Variants in CCSER1 observed in about 807,000 individuals in gnomAD.
CCSER1 encodes serine-rich coiled-coil domain-containing protein 1.
In CCSER1, 41 loss-of-function variants were observed where a neutral mutation model predicts 82.0. That is an observed-to-expected ratio of 0.50 (90% confidence interval 0.39 to 0.65). The LOEUF is 0.65. Ranked by LOEUF, CCSER1 falls within the 30% of genes least tolerant of loss-of-function variation. The pLI, the probability that CCSER1 is intolerant of heterozygous loss-of-function variation, is 0.00. For missense variants in CCSER1, 1,119 were observed against 1,064.2 expected, an observed-to-expected ratio of 1.05 and a Z score of -0.72; for synonymous variants, 414 against 383.9, an observed-to-expected ratio of 1.08 and a Z score of -0.92.
chr4:90,975,283 G>T (rs1448590806), intron 9 of CCSER1, among the ~76,000 whole-genome samples: 2 of 151,176 alleles, frequency 1.3e-5, no homozygotes, highest in Non-Finnish European at 3.0e-5. Flanking sequence ...CTTAGAATTA[G>T]ATAGCGGTTA....
chr4:90,214,614 A>G (rs1232468743), intron 1 of CCSER1, among the ~76,000 whole-genome samples: 2 of 152,226 alleles, frequency 1.3e-5, no homozygotes, highest in African/African-American at 4.8e-5. Context: ...CTAAAGAAAT[A>G]CTGTAAGATC....
At chr4:90,132,640 G>T (rs745772834) in intron 1 of CCSER1, among the ~76,000 whole-genome samples, 2 of 152,024 alleles carry the variant, frequency 1.3e-5, no homozygotes, top group East Asian at 1.9e-4. Flanking sequence ...TTTTTAAAAG[G>T]TGTTTGTTGG....
At chr4:91,046,962 C>A (rs1037236291) in intron 9 of CCSER1, among the ~76,000 whole-genome samples, 1 of 151,922 alleles carries the variant, frequency 6.6e-6, no homozygotes, top group East Asian at 1.9e-4. Flanking sequence ...GTGATCTACC[C>A]TCCTCAGCCT....
intron 3 of CCSER1, among the ~76,000 whole-genome samples, chr4:90,344,064 C>G (rs1236819942): frequency 6.6e-6 from 1 of 152,160 alleles, no homozygotes; most frequent in African/African-American, 2.4e-5. Context: ...CTCTGGTAAC[C>G]ATCCTTTTAC....
intron 10 of CCSER1, among the ~76,000 whole-genome samples, chr4:91,165,960 G>A (rs1365501610): frequency 6.6e-6 from 1 of 152,220 alleles, no homozygotes; most frequent in Non-Finnish European, 1.5e-5. Context: ...CAGTCCCAGT[G>A]AGATGAACCA....
chr4:90,403,284 G>A (rs1263601372), intron 4 of CCSER1, among the ~76,000 whole-genome samples: 1 of 151,996 alleles, frequency 6.6e-6, no homozygotes, highest in African/African-American at 2.4e-5. Flanking sequence ...TGGATCACGA[G>A]GTCAGGAGAT....
chr4:91,384,788 A>C (rs1224306531), intron 10 of CCSER1, among the ~76,000 whole-genome samples: 1 of 152,218 alleles, frequency 6.6e-6, no homozygotes, highest in Admixed American at 6.5e-5. Flanking sequence ...ATAAAAATTT[A>C]GAGAAAATAT....
At position 91,106,552 on chromosome 4, in the gene CCSER1, A is replaced by T. The variant is rs190744239; in HGVS notation, c.2217+20558A>T. On this transcript the variant is annotated intron_variant, in intron 10 of 10. Transcript: ENST00000509176. Reference sequence around the variant, plus strand: ...CATGGTCTGTCTATCTTGCCTACCTATTCATTGCCTATAGGTGTTATCTCA... The same window carrying T: ...CATGGTCTGTCTATCTTGCCTACCTTTTCATTGCCTATAGGTGTTATCTCA... Among the ~76,000 whole-genome samples the T allele has an allele frequency of 2.5e-4, 38 of 152,172 alleles. No individual in the cohort carries two copies. In the East Asian group the frequency reaches 7.4e-3, roughly 29 times the overall value.
chr4:91,058,758 A>T (rs754178870), intron 9 of CCSER1, among the ~76,000 whole-genome samples: 1 of 152,006 alleles, frequency 6.6e-6, no homozygotes, highest in African/African-American at 2.4e-5. Flanking sequence ...TTAAAGTTTG[A>T]TTTTTTTATG....
chr4:90,686,177 G>T (rs1164103464), intron 6 of CCSER1, among the ~76,000 whole-genome samples: 1 of 152,062 alleles, frequency 6.6e-6, no homozygotes, highest in Admixed American at 6.6e-5. Context: ...ATTTATTCTG[G>T]GAAGTCTAGT....
chr4:91,432,560 A>G (rs116132496), intron 10 of CCSER1, among the ~76,000 whole-genome samples: 2,688 of 151,844 alleles, frequency 0.018, 37 homozygotes, highest in Non-Finnish European at 0.024. Flanking sequence ...AGAATATGCT[A>G]TCAAACTTCC....
intron 8 of CCSER1, among the ~76,000 whole-genome samples, chr4:90,826,674 A>G (rs1302819273): frequency 6.6e-6 from 1 of 152,218 alleles, no homozygotes; most frequent in Admixed American, 6.5e-5. Flanking sequence ...ATGACAGTTA[A>G]GATTGAGAGG....
rs1329220366 is a variant in CCSER1 at position 90,932,966 on chromosome 4, GAA to G, written c.2172+9521_2172+9522del. Among the ~76,000 whole-genome samples, 326 of 34,184 alleles carry G rather than the reference GAA, an allele frequency of 9.5e-3. 76 individuals carry two copies. The highest frequency in any genetic ancestry group is 0.027 in the African/African-American group (129 of 4,694). The allele number at this position is 34,184 out of a possible 152,430, so 22.4% of individuals were successfully genotyped here. A position where few individuals can be genotyped will look rare whatever the true frequency, so the allele number is the denominator to read the frequency against. On this transcript the variant is annotated intron_variant, in intron 9 of 10. Transcript: ENST00000509176. ...AGAAAGAAAGAAAGAAAGAAAGAAA[GAA>G]AGAAAGAAAGAAAGAGAAAGAAAGA...
intron 6 of CCSER1, among the ~76,000 whole-genome samples, chr4:90,712,864 C>T (rs527273427): frequency 1.4e-5 from 2 of 143,488 alleles, no homozygotes; most frequent in South Asian, 4.4e-4. Context: ...CACTTCTTGT[C>T]GAATTGAACT....
intron 3 of CCSER1, among the ~76,000 whole-genome samples, chr4:90,357,805 A>G (rs1345287531): frequency 6.6e-6 from 1 of 152,048 alleles, no homozygotes; most frequent in African/African-American, 2.4e-5. Context: ...TCAATTCTAA[A>G]ACTATCGTGT....
At chr4:90,537,730 C>T (rs866715749) in intron 5 of CCSER1, among the ~76,000 whole-genome samples, 7 of 152,132 alleles carry the variant, frequency 4.6e-5, no homozygotes, top group Admixed American at 4.6e-4. Flanking sequence ...GGGTTTTATA[C>T]AACAGTGCTA....
intron 1 of CCSER1, among the ~76,000 whole-genome samples, chr4:90,176,319 AT>A (rs1440219879): frequency 3.9e-5 from 6 of 152,030 alleles, no homozygotes; most frequent in African/African-American, 1.4e-4. Context: ...AGACAGGCTA[AT>A]TTGTAGAAGA....
Position 90,778,527 on chromosome 4 carries a change from T to TA in CCSER1, c.2011-37222dup, listed in dbSNP as rs35328489. Among the ~76,000 whole-genome samples, 762 of 143,346 alleles carry TA rather than the reference T, an allele frequency of 5.3e-3. 7 individuals carry two copies. The highest frequency in any genetic ancestry group is 0.029 in the Middle Eastern group (8 of 276). The allele number at this position is 143,346 out of a possible 152,430, so 94.0% of individuals were successfully genotyped here. On this transcript the variant is annotated intron_variant, in intron 7 of 10. Transcript: ENST00000509176. The stretch of plus-strand genomic sequence containing the variant: ...AGTATCTTATTGGGAATGCATTTCT[T>TA]AAAAAAAAAAAAACACAAAAAGAAA...
At chr4:91,043,843 T>A (rs773968311) in intron 9 of CCSER1, among the ~76,000 whole-genome samples, 8 of 152,086 alleles carry the variant, frequency 5.3e-5, no homozygotes, top group Non-Finnish European at 1.2e-4. Flanking sequence ...CCTCCTCAGC[T>A]TCCCAAAGTG....
Sources: gnomAD v4.1 joint callset for allele counts (sites outside exome capture counted in the v4.1 genomes callset) on GRCh38, gnomAD v4.1.1 for gene constraint, MANE v1.5 for transcripts, NCBI Gene and HGNC (gene_info 2026-07-23, HGNC 2026-07-21) for gene names.